Variants in POGK observed in about 807,000 individuals in gnomAD.
POGK encodes pogo transposable element with KRAB domain.
A neutral mutation model predicts 54.4 loss-of-function variants in POGK; 16 were observed. The observed-to-expected ratio is 0.29, with a 90% CI of 0.20 to 0.45. The LOEUF is 0.45. Among genes scored for constraint, POGK ranks in the 20% least tolerant of loss-of-function variants. The pLI, the probability that POGK is intolerant of heterozygous loss-of-function variation, is 1.00. For synonymous variants in POGK, 271 were observed against 302.2 expected, an observed-to-expected ratio of 0.90 and a Z score of 1.07; for missense variants, 515 against 795.6, an observed-to-expected ratio of 0.65 and a Z score of 4.24.
chr1:166,853,589 T>A lies in POGK; in HGVS notation c.*1019T>A, dbSNP rs1430012543. Reference sequence around the variant, plus strand: ...AAGTCATTGAATTTTTACACTATAGTAATTTGCATTCCCACATAAGTTTGA... The same window carrying A: ...AAGTCATTGAATTTTTACACTATAGAAATTTGCATTCCCACATAAGTTTGA... On this transcript the variant is annotated 3_prime_UTR_variant, in exon 6 of 6. Coordinates refer to ENST00000367876, the MANE Select transcript of POGK (RefSeq NM_017542.5). 2 of 152,664 alleles carry A rather than the reference T, an allele frequency of 1.3e-5. No individual in the cohort carries two copies. The highest frequency in any genetic ancestry group is 4.8e-5 in the African/African-American group (2 of 41,462). 9.5% of individuals were successfully genotyped at this position (152,664 alleles called of 1,614,324 possible).
At position 166,846,885 on chromosome 1, in the gene POGK, G is replaced by T; in HGVS notation, c.259+147G>T. The T allele has an allele frequency of 7.1e-6, 8 of 1,127,602 alleles. No homozygotes were observed. The South Asian group carries it at 8.0e-5, about 11-fold the overall frequency. The allele number at this position is 1,127,602 out of a possible 1,614,324, so 69.8% of individuals were successfully genotyped here. ...TCTGTGCCCATTTATTCCAATTTTT[G>T]ATTTGGGCAGTATATCAATATTGTG... is the stretch of plus-strand genomic sequence containing the variant. On this transcript the variant is annotated intron_variant, in intron 3 of 5. Coordinates refer to ENST00000367876, the MANE Select transcript of POGK (RefSeq NM_017542.5).
Position 166,848,986 on chromosome 1 carries a change from A to G in POGK, c.407A>G (p.Asn136Ser). ...VKPPDWPNPM[N>S]ATSQFPQPQH... ...CCTCCAGACTGGCCAAACCCAATGAATGCTACCTCCCAGTTTCCTCAGCCT... is the reference window on the plus strand; with the variant it reads ...CCTCCAGACTGGCCAAACCCAATGAGTGCTACCTCCCAGTTTCCTCAGCCT... The change falls in exon 5 of 6, where the codon AAT becomes AGT. Residue 136 changes from asparagine to serine, a missense_variant. By Grantham distance (46) the Asn-to-Ser change is conservative. This residue lies in a region of POGK where 461 missense variants were observed against 743.5 expected (regional missense o/e 0.62). Coordinates refer to ENST00000367876, the MANE Select transcript of POGK (RefSeq NM_017542.5). The G allele has an allele frequency of 6.2e-7, 1 of 1,613,782 alleles. No individual in the cohort carries two copies. The highest frequency in any genetic ancestry group is 8.5e-7 in the Non-Finnish European group (1 of 1,179,868).
intron 2 of POGK, among the ~76,000 whole-genome samples, chr1:166,841,627 CA>C (rs1460474865): frequency 2.0e-5 from 3 of 152,196 alleles, no homozygotes; most frequent in Non-Finnish European, 4.4e-5. Context: ...TCGGTTTATA[CA>C]AATGCAAATG....
At position 166,849,293 on chromosome 1, in the gene POGK, G is replaced by T; in HGVS notation, c.714G>T (p.Lys238Asn). ...EKNVRDWRKV[K>N]PQLQNAHAMR... ...ACGTTCGAGACTGGCGCAAAGTGAAGCCACAGCTTCAAAACGCCCACGCCA... is the reference window on the plus strand; with the variant it reads ...ACGTTCGAGACTGGCGCAAAGTGAATCCACAGCTTCAAAACGCCCACGCCA... The change falls in exon 5 of 6, where the codon AAG becomes AAT. Residue 238 changes from lysine (K) to asparagine (N), a missense_variant. Physicochemically the swap from Lys to Asn is moderately conservative, Grantham distance 94. This residue lies in a region of POGK where 461 missense variants were observed against 743.5 expected (regional missense o/e 0.62). Transcript: ENST00000367876. 1 of 1,614,212 alleles carries T rather than the reference G, an allele frequency of 6.2e-7. No homozygotes were observed. The highest frequency in any genetic ancestry group is 1.1e-5 in the South Asian group (1 of 91,092).
chr1:166,841,286 G>A (rs1657501145), intron 2 of POGK, among the ~76,000 whole-genome samples, 198 bp downstream of exon 2: 1 of 152,226 alleles, frequency 6.6e-6, no homozygotes, highest in African/African-American at 2.4e-5. Context: ...CAGTCCCTCA[G>A]CCATGTAGCT....
In POGK at chr1:166,856,344, GA is replaced by G. The variant is rs57469144; in HGVS notation, c.*3789del. 181 of 117,024 alleles carry G rather than the reference GA, an allele frequency of 1.5e-3. 1 individual carries two copies. The highest frequency in any genetic ancestry group is 9.3e-3 in the South Asian group (33 of 3,534). 7.2% of individuals were successfully genotyped at this position (117,024 alleles called of 1,614,324 possible). A position where few individuals can be genotyped will look rare whatever the true frequency, so the allele number is the denominator to read the frequency against. ...GTGAGACCCTATCTCAAAAAGAAAA[GA>G]AAAAAAAAAAAAAAGAAATGGCATA... On this transcript the variant is annotated 3_prime_UTR_variant, in exon 6 of 6. Transcript: ENST00000367876.
chr1:166,843,670 G>A (rs375689898), intron 2 of POGK, among the ~76,000 whole-genome samples: 5 of 152,252 alleles, frequency 3.3e-5, no homozygotes, highest in East Asian at 3.9e-4. Context: ...CCCTTCCCCC[G>A]AGATCCCTGC....
At chr1:166,851,468 T>G (rs1045529571) in intron 5 of POGK, 10 of 152,054 alleles carry the variant, frequency 6.6e-5, no homozygotes, top group African/African-American at 1.9e-4. Flanking sequence ...AAAAAGAAAA[T>G]AAAACGGTGC....
chr1:166,840,003 G>C (rs1657421042), intron 1 of POGK: 2 of 152,212 alleles, frequency 1.3e-5, no homozygotes, highest in Non-Finnish European at 2.9e-5. Flanking sequence ...CCCCGGAGCC[G>C]GCAGGGAGAC....
intron 5 of POGK, 65 bp downstream of exon 5, chr1:166,850,488 T>C: frequency 6.8e-7 from 1 of 1,479,472 alleles, no homozygotes; most frequent in South Asian, 1.4e-5. Context: ...AAACACCTTC[T>C]CTCCATTATT....
rs770037251 is a variant in POGK, at chr1:166,841,086, T to G, written c.130T>G (p.Trp44Gly). 6 of 1,613,398 alleles carry G rather than the reference T, an allele frequency of 3.7e-6. No homozygotes were observed. Among genetic ancestry groups the G allele is most frequent in the Non-Finnish European group, 5.1e-6 (6 of 1,179,856 alleles). ...AGTACGAATCTGCTCTGAGGGCGGA[T>G]GGGTAAGTAAGAAGGTGTGGAGTCC... ...QKVRICSEGGWVPALFDEVAI... is the reference protein window; with the variant it reads ...QKVRICSEGGGVPALFDEVAI... The change falls in exon 2 of 6, where the codon TGG becomes GGG. Residue 44 changes from tryptophan to glycine, a missense_variant and splice_region_variant. Physicochemically the swap from Trp to Gly is radical, Grantham distance 184. This residue lies in a region of POGK where 54 missense variants were observed against 52.0 expected (regional missense o/e 1.04). Coordinates refer to ENST00000367876, the MANE Select transcript of POGK (RefSeq NM_017542.5).
chr1:166,840,678 G>A (rs559735346), intron 1 of POGK, among the ~76,000 whole-genome samples: 2 of 152,272 alleles, frequency 1.3e-5, no homozygotes, highest in Admixed American at 1.3e-4. Context: ...CCTCTGTTCT[G>A]CCGTCCAGTC....
At chr1:166,847,467 G>A (rs1461607143) in intron 3 of POGK, 27 bp from the exon 4 acceptor site, 2 of 1,572,168 alleles carry the variant, frequency 1.3e-6, no homozygotes, top group South Asian at 2.2e-5. Context: ...ACACACAGCT[G>A]TTACCTATTT....
At chr1:166,840,886 T>TC (rs1282030716) in intron 1 of POGK, 69 bp from the exon 2 acceptor site, 3 of 1,585,924 alleles carry the variant, frequency 1.9e-6, no homozygotes, top group East Asian at 2.2e-5. Context: ...TGGCTCAGCC[T>TC]CCCCCATCAT....
chr1:166,845,064 G>A (rs1308812313), intron 2 of POGK, among the ~76,000 whole-genome samples: 2 of 152,146 alleles, frequency 1.3e-5, no homozygotes, highest in Non-Finnish European at 1.5e-5. Flanking sequence ...AGAGTTGAGG[G>A]TTAGTCATCA....
chr1:166,844,005 G>A lies in POGK; in HGVS notation c.133-2607G>A, dbSNP rs558611937. The stretch of plus-strand genomic sequence containing the variant: ...GCCAGATAAAAGGCCTCTGTGGAGC[G>A]AGGGGAGGCCTGCGCAGCAGGGCCT... On this transcript the variant is annotated intron_variant, in intron 2 of 5. Transcript: ENST00000367876. Among the ~76,000 whole-genome samples the A allele has an allele frequency of 7.2e-5, 11 of 152,336 alleles. No homozygotes were observed. In the South Asian group the frequency reaches 8.3e-4, roughly 11 times the overall value.
chr1:166,848,728 T>G (rs1244488542), intron 4 of POGK, among the ~76,000 whole-genome samples: 2 of 152,172 alleles, frequency 1.3e-5, no homozygotes, highest in African/African-American at 2.4e-5. Flanking sequence ...ACAGTGATAC[T>G]TAGAGTTACT....
chr1:166,851,279 C>CTACA (rs1418117910), intron 5 of POGK: 1 of 152,124 alleles, frequency 6.6e-6, no homozygotes. Flanking sequence ...CTGGAGCTAT[C>CTACA]TACAGTATGT....
Position 166,849,452 on chromosome 1 carries a change from A to G in POGK, c.873A>G (p.Glu291=). The change falls in exon 5 of 6, where the codon GAA becomes GAG. Residue 291 remains glutamate (E), a synonymous_variant. Coordinates refer to ENST00000367876, the MANE Select transcript of POGK (RefSeq NM_017542.5). Reference sequence around the variant, plus strand: ...AGGCGATGCAGCTGAAAGCTCTCGAAATCGCCCAGGAAATGAACATTCCAG... The same window carrying G: ...AGGCGATGCAGCTGAAAGCTCTCGAGATCGCCCAGGAAATGAACATTCCAG... ...TREAMQLKAL[E]IAQEMNIPEK... is the part of the protein sequence containing the mutation. 6.2e-7 allele frequency: 1 copy of G among 1,614,228 alleles called. No homozygotes were observed. The highest frequency in any genetic ancestry group is 8.5e-7 in the Non-Finnish European group (1 of 1,180,040).
Sources: gnomAD v4.1 joint callset for allele counts (sites outside exome capture counted in the v4.1 genomes callset) on GRCh38, gnomAD v4.1.1 for gene constraint, gnomAD v4.1.1 regional missense constraint, MANE v1.5 for transcripts, NCBI Gene and HGNC (gene_info 2026-07-23, HGNC 2026-07-21) for gene names.